PCDH15: variants seen among roughly 807,000 people sequenced by gnomAD.
PCDH15 encodes protocadherin-15.
A neutral mutation model predicts 178.5 loss-of-function variants in PCDH15; 129 were observed. The observed-to-expected ratio is 0.72, with a 90% CI of 0.63 to 0.84. The LOEUF (loss-of-function observed/expected upper bound fraction) is 0.84, where lower values mean the gene tolerates loss of function less well. PCDH15 is among the 40% of genes least tolerant of loss of function. The probability of loss-of-function intolerance (pLI) is 0.00; values close to 1 mark genes in which losing one functional copy is unlikely to be tolerated. For synonymous variants in PCDH15, 800 were observed against 732.0 expected, an observed-to-expected ratio of 1.09 and a Z score of -1.50; for missense variants, 2,230 against 2,099.9, an observed-to-expected ratio of 1.06 and a Z score of -1.21.
rs556097199 is a variant in PCDH15, at chr10:55,229,172, A to T, written c.-155-62521T>A. ...TTCTCTCCAACGTATTTAAAAACACATACTTTTATAGTATGGGATAAGCAC... is the reference window on the plus strand; with the variant it reads ...TTCTCTCCAACGTATTTAAAAACACTTACTTTTATAGTATGGGATAAGCAC... On this transcript the variant is annotated intron_variant, in intron 1 of 5. Transcript: ENST00000458638. 3.9e-5 allele frequency among the ~76,000 whole-genome samples: 6 copies of T among 152,028 alleles called. No individual in the cohort carries two copies. In the South Asian group the frequency reaches 1.2e-3, roughly 32 times the overall value.
intron 2 of PCDH15, among the ~76,000 whole-genome samples, chr10:55,082,215 A>T (rs1422799510): frequency 6.6e-6 from 1 of 152,112 alleles, no homozygotes; most frequent in Non-Finnish European, 1.5e-5. Flanking sequence ...AATTATATCA[A>T]GTATCTTCTC....
intron 2 of PCDH15, among the ~76,000 whole-genome samples, chr10:55,577,548 T>C (rs1262792187): frequency 6.6e-6 from 1 of 152,144 alleles, no homozygotes; most frequent in Non-Finnish European, 1.5e-5. Context: ...ATGTAAATTA[T>C]TATCAGTAAC....
intron 2 of PCDH15, among the ~76,000 whole-genome samples, chr10:55,519,570 G>A (rs1288994074): frequency 6.6e-6 from 1 of 151,966 alleles, no homozygotes; most frequent in African/African-American, 2.4e-5. Flanking sequence ...CGAAAACTGA[G>A]TAAAGTGTAT....
chr10:55,491,968 C>A (rs780943132), intron 2 of PCDH15, among the ~76,000 whole-genome samples: 4 of 151,446 alleles, frequency 2.6e-5, no homozygotes, highest in African/African-American at 9.7e-5. Flanking sequence ...GCAAGCCATA[C>A]AAAAAAATCA....
chr10:54,083,255 C>G (rs549958867), intron 16 of PCDH15, among the ~76,000 whole-genome samples: 1 of 152,162 alleles, frequency 6.6e-6, no homozygotes, highest in African/African-American at 2.4e-5. Context: ...CATAATTACA[C>G]TATTCCCTAG....
chr10:54,153,492 A>G (rs1363335147), intron 13 of PCDH15, among the ~76,000 whole-genome samples, 199 bp from the exon 14 acceptor site: 1 of 152,170 alleles, frequency 6.6e-6, no homozygotes, highest in Non-Finnish European at 1.5e-5. Context: ...AATCACAAAA[A>G]TAAGAGTGAT....
At chr10:54,039,970 A>C (rs772962114) in intron 18 of PCDH15, among the ~76,000 whole-genome samples, 3 of 152,002 alleles carry the variant, frequency 2.0e-5, no homozygotes, top group Non-Finnish European at 1.5e-5. Flanking sequence ...ATTCTATGTG[A>C]GGGCAGTGGG....
At chr10:53,820,803 AACTATTACT>A (rs1245786807) in intron 32 of PCDH15, among the ~76,000 whole-genome samples, 1 of 152,014 alleles carries the variant, frequency 6.6e-6, no homozygotes, top group Non-Finnish European at 1.5e-5. Flanking sequence ...GAGCGCTAAG[AACTATTACT>A]ACAACTACAG....
intron 2 of PCDH15, among the ~76,000 whole-genome samples, chr10:54,533,633 C>G (rs2084159807): frequency 6.6e-6 from 1 of 151,554 alleles, no homozygotes; most frequent in Admixed American, 6.5e-5. Flanking sequence ...TATCAAAGAT[C>G]AACTTACCTT....
chr10:54,862,503 C>T (rs55841078), intron 3 of PCDH15, among the ~76,000 whole-genome samples: 26,061 of 151,968 alleles, frequency 0.17, 2,481 homozygotes, highest in Non-Finnish European at 0.22. Context: ...AGCTTATATG[C>T]GGCTTGTCCC....
At chr10:54,463,854 G>A (rs536115902) in intron 3 of PCDH15, among the ~76,000 whole-genome samples, 221 of 152,040 alleles carry the variant, frequency 1.5e-3, no homozygotes, top group African/African-American at 5.0e-3. Flanking sequence ...TTTGAACTCC[G>A]TCTTAAAAAA....
chr10:54,985,292 G>T (rs1018310945), intron 2 of PCDH15, among the ~76,000 whole-genome samples: 2 of 152,042 alleles, frequency 1.3e-5, no homozygotes, highest in African/African-American at 4.8e-5. Flanking sequence ...AATAAAAAGG[G>T]ATAGAAGTTT....
intron 2 of PCDH15, among the ~76,000 whole-genome samples, chr10:54,933,932 G>T (rs2131855843): frequency 6.6e-6 from 1 of 152,222 alleles, no homozygotes; most frequent in Non-Finnish European, 1.5e-5. Context: ...ATTACTTACT[G>T]TGAATATAAA....
At chr10:55,350,445 G>C (rs1305970340) in intron 2 of PCDH15, among the ~76,000 whole-genome samples, 1 of 151,488 alleles carries the variant, frequency 6.6e-6, no homozygotes, top group Non-Finnish European at 1.5e-5. Flanking sequence ...TCTTCTAAAA[G>C]AGAGGAAAGA....
intron 1 of PCDH15, among the ~76,000 whole-genome samples, chr10:54,725,965 T>C (rs755659582): frequency 2.0e-5 from 3 of 151,710 alleles, no homozygotes; most frequent in Non-Finnish European, 4.4e-5. Context: ...TTTAAGCAGG[T>C]ACCTGTCTAA....
intron 23 of PCDH15, 65 bp from the exon 24 acceptor site, chr10:53,941,040 AC>A: frequency 8.6e-7 from 1 of 1,156,436 alleles, no homozygotes; most frequent in Non-Finnish European, 1.3e-6. Flanking sequence ...CTTTACGTTC[AC>A]AGAAAAATTG....
chr10:54,696,816 T>A (rs7098216), intron 1 of PCDH15, among the ~76,000 whole-genome samples: 1 of 152,000 alleles, frequency 6.6e-6, no homozygotes, highest in East Asian at 1.9e-4. Flanking sequence ...TGAAAACTTT[T>A]AACAAGTTAA....
intron 3 of PCDH15, among the ~76,000 whole-genome samples, chr10:54,385,342 A>G (rs760984517): frequency 1.3e-5 from 2 of 152,156 alleles, no homozygotes; most frequent in Non-Finnish European, 2.9e-5. Flanking sequence ...GATGGATGTT[A>G]TGACAATACT....
chr10:55,440,233 AAAC>A (rs1207404384), intron 2 of PCDH15, among the ~76,000 whole-genome samples: 1 of 152,220 alleles, frequency 6.6e-6, no homozygotes, highest in Admixed American at 6.5e-5. Flanking sequence ...GTACGACACC[AAAC>A]AACACAGCTG....
Sources: gnomAD v4.1 joint callset for allele counts (sites outside exome capture counted in the v4.1 genomes callset) on GRCh38, gnomAD v4.1.1 for gene constraint, MANE v1.5 for transcripts, NCBI Gene and HGNC (gene_info 2026-07-23, HGNC 2026-07-21) for gene names.